Variants in DNAJC6 observed in about 807,000 individuals in gnomAD.
DNAJC6 encodes the protein auxilin.
In DNAJC6, 34 loss-of-function variants were observed where a neutral mutation model predicts 110.0. That is an observed-to-expected ratio of 0.31 (90% CI 0.24 to 0.41). DNAJC6 has a LOEUF of 0.41. DNAJC6 is among the 10% of genes least tolerant of loss of function. DNAJC6 has a pLI of 1.00. For missense variants in DNAJC6, 1,031 were observed against 1,207.8 expected, an observed-to-expected ratio of 0.85 and a Z score of 2.17; for synonymous variants, 406 against 437.2, an observed-to-expected ratio of 0.93 and a Z score of 0.89.
At chr1:65,294,727 CTTGT>C (rs1282318294) in intron 1 of DNAJC6, among the ~76,000 whole-genome samples, 3 of 152,120 alleles carry the variant, frequency 2.0e-5, no homozygotes, top group Non-Finnish European at 2.9e-5. Flanking sequence ...AATTAATTCA[CTTGT>C]TTATTTTTTA....
intron 1 of DNAJC6, among the ~76,000 whole-genome samples, chr1:65,313,674 C>T (rs1034648271): frequency 6.6e-6 from 1 of 152,130 alleles, no homozygotes; most frequent in Non-Finnish European, 1.5e-5. Context: ...TTTGATTTCC[C>T]CCCTGTTTTT....
intron 1 of DNAJC6, among the ~76,000 whole-genome samples, chr1:65,280,191 A>C (rs1653801370): frequency 6.6e-6 from 1 of 152,238 alleles, no homozygotes; most frequent in Non-Finnish European, 1.5e-5. Context: ...ATGAAAATTC[A>C]GAAAAGCACA....
At chr1:65,280,910 C>T (rs1264711951) in intron 1 of DNAJC6, among the ~76,000 whole-genome samples, 1 of 151,924 alleles carries the variant, frequency 6.6e-6, no homozygotes, top group Non-Finnish European at 1.5e-5. Flanking sequence ...AATTACATGG[C>T]TAAAAAAAAT....
At chr1:65,363,154 T>A (rs1293198209) in intron 1 of DNAJC6, among the ~76,000 whole-genome samples, 1 of 152,020 alleles carries the variant, frequency 6.6e-6, no homozygotes, top group Non-Finnish European at 1.5e-5. Context: ...ATGGGGAAAA[T>A]CCACCTCCAT....
intron 1 of DNAJC6, chr1:65,278,923 A>T: frequency 1.0e-6 from 1 of 965,600 alleles, no homozygotes; most frequent in Non-Finnish European, 1.2e-6. Context: ...AGAATCCCAG[A>T]TGTATCCTGC....
intron 1 of DNAJC6, among the ~76,000 whole-genome samples, chr1:65,274,038 G>A (rs1467838526): frequency 3.3e-5 from 5 of 151,884 alleles, no homozygotes; most frequent in African/African-American, 1.2e-4. Flanking sequence ...TCATTCTGTT[G>A]GTTCCCAAGA....
intron 1 of DNAJC6, among the ~76,000 whole-genome samples, chr1:65,296,309 A>C (rs1338336797): frequency 6.6e-6 from 1 of 152,202 alleles, no homozygotes; most frequent in Non-Finnish European, 1.5e-5. Context: ...ATAGGCTACA[A>C]ATCTGTTTGT....
At chr1:65,267,882 GGTGGTGT>G (rs1167817711) in intron 1 of DNAJC6, among the ~76,000 whole-genome samples, 1 of 68,900 alleles carries the variant, frequency 1.5e-5, no homozygotes, top group Non-Finnish European at 3.0e-5. Context: ...TATGGTGTGA[GGTGGTGT>G]GTGTGTGTGT....
chr1:65,303,126 A>C (rs1645004967), intron 1 of DNAJC6, among the ~76,000 whole-genome samples: 2 of 152,202 alleles, frequency 1.3e-5, no homozygotes, highest in Non-Finnish European at 2.9e-5. Context: ...CATTAAAGAA[A>C]CCAGAGCGAT....
At chr1:65,289,228 C>T (rs1293569310) in intron 1 of DNAJC6, among the ~76,000 whole-genome samples, 1 of 152,006 alleles carries the variant, frequency 6.6e-6, no homozygotes, top group African/African-American at 2.4e-5. Flanking sequence ...TGGAGTCTCG[C>T]TCTGTTACCT....
In DNAJC6 at chr1:65,406,055, A is replaced by G; in HGVS notation, c.2413A>G (p.Asn805Asp). Reference protein sequence around the residue: ...QPSMPHSSPQNRPNYNVSFSA... With the variant: ...QPSMPHSSPQDRPNYNVSFSA... Reference sequence around the variant, plus strand: ...CAGCATGCCCCACTCCTCTCCCCAGAACCGACCCAACTACAACGTGAGCTT... The same window carrying G: ...CAGCATGCCCCACTCCTCTCCCCAGGACCGACCCAACTACAACGTGAGCTT... Residue 805 changes from asparagine to aspartate, a missense_variant, in exon 16 of 19, where the codon AAC (asparagine) becomes GAC (aspartate). By Grantham distance (23) the Asn-to-Asp change is conservative. Coordinates refer to ENST00000371069, the MANE Select transcript of DNAJC6 (RefSeq NM_001256864.2). The G allele has an allele frequency of 6.2e-7, 1 of 1,614,166 alleles. No individual in the cohort carries two copies. The highest frequency in any genetic ancestry group is 8.5e-7 in the Non-Finnish European group (1 of 1,180,036).
At chr1:65,275,790 C>A (rs557358789) in intron 1 of DNAJC6, among the ~76,000 whole-genome samples, 1 of 151,594 alleles carries the variant, frequency 6.6e-6, no homozygotes, top group South Asian at 2.1e-4. Context: ...TTTTGCTGGC[C>A]TATCTTAGAG....
intron 1 of DNAJC6, among the ~76,000 whole-genome samples, chr1:65,275,994 T>C (rs1653657613): frequency 6.6e-6 from 1 of 151,414 alleles, no homozygotes; most frequent in African/African-American, 2.4e-5. Context: ...GTTCAAGCGA[T>C]CTTCAGCCTC....
intron 1 of DNAJC6, among the ~76,000 whole-genome samples, chr1:65,323,929 T>C (rs1382321220): frequency 1.3e-5 from 2 of 152,094 alleles, no homozygotes; most frequent in Non-Finnish European, 2.9e-5. Flanking sequence ...TCTTATCAGA[T>C]TGTTAGGAAG....
intron 1 of DNAJC6, among the ~76,000 whole-genome samples, chr1:65,302,580 C>A (rs1644998554): frequency 1.5e-5 from 2 of 130,782 alleles, no homozygotes; most frequent in South Asian, 4.9e-4. Context: ...CCAGGCCGGA[C>A]TGCGGACTGC....
intron 11 of DNAJC6, 139 bp downstream of exon 11, chr1:65,389,766 A>G: frequency 1.1e-6 from 1 of 898,486 alleles, no homozygotes; most frequent in Non-Finnish European, 1.7e-6. Flanking sequence ...CCCACCTGTA[A>G]GCCCAGCACT....
intron 1 of DNAJC6, among the ~76,000 whole-genome samples, chr1:65,342,668 G>A (rs1557531312): frequency 6.6e-6 from 1 of 152,204 alleles, no homozygotes; most frequent in African/African-American, 2.4e-5. Flanking sequence ...CAACATAATT[G>A]TGAAGATTAA....
intron 1 of DNAJC6, among the ~76,000 whole-genome samples, chr1:65,302,107 A>AT (rs761925509): frequency 7.4e-5 from 4 of 53,808 alleles, no homozygotes; most frequent in African/African-American, 2.5e-4. Flanking sequence ...TATAATATAT[A>AT]ATATATATAT....
intron 1 of DNAJC6, among the ~76,000 whole-genome samples, chr1:65,302,491 T>TC (rs1644996494): frequency 1.4e-5 from 2 of 142,832 alleles, no homozygotes; most frequent in Admixed American, 7.0e-5. Context: ...GGAGTTTGCC[T>TC]CCCCCTTAAC....
Sources: allele counts gnomAD v4.1 joint callset (sites outside exome capture counted in the v4.1 genomes callset), GRCh38; gene constraint gnomAD v4.1.1; transcripts MANE v1.5; gene names NCBI Gene and HGNC (gene_info 2026-07-23, HGNC 2026-07-21).